SMOC1: variants seen among roughly 807,000 people sequenced by gnomAD.
The protein encoded by SMOC1 is SPARC-related modular calcium-binding protein 1.
In SMOC1, 22 loss-of-function variants were observed where a neutral mutation model predicts 56.3. The observed-to-expected ratio is 0.39, with a 90% CI of 0.28 to 0.56. The LOEUF is 0.56. Among genes scored for constraint, SMOC1 ranks in the 20% least tolerant of loss-of-function variants. SMOC1 has a pLI of 0.61. For synonymous variants in SMOC1, 193 were observed against 215.0 expected, an observed-to-expected ratio of 0.90 and a Z score of 0.89; for missense variants, 509 against 565.4, an observed-to-expected ratio of 0.90 and a Z score of 1.01.
Position 69,879,687 on chromosome 14 carries a change from C to T in SMOC1, c.9C>T (p.Pro3=). ...CCAGCCTGGCTGGCACCATGCTGCC[C>T]GCGCGCTGCGCCCGCCTGCTCACGC... is the stretch of plus-strand genomic sequence containing the variant. ML[P]ARCARLLTPH... Residue 3 remains proline (P), a synonymous_variant, in exon 1 of 12, where the codon CCC becomes CCT. Coordinates refer to ENST00000361956, the MANE Select transcript of SMOC1 (RefSeq NM_001034852.3). 1 of 1,564,740 alleles carries T rather than the reference C, an allele frequency of 6.4e-7. No homozygotes were observed. The highest frequency in any genetic ancestry group is 8.6e-7 in the Non-Finnish European group (1 of 1,165,124).
Position 69,953,554 on chromosome 14 carries a change from T to C in SMOC1, c.378+22T>C, listed in dbSNP as rs749393502. The C allele has an allele frequency of 3.7e-6, 6 of 1,600,482 alleles. No individual in the cohort carries two copies. The African/African-American group carries it at 4.0e-5, about 11-fold the overall frequency. ...CCAGGTGAGGCCTCGGACAATCCTC[T>C]TGGGCTCTTTCCTGGACCGAGGCAG... On this transcript the variant is annotated intron_variant, in intron 3 of 11. Coordinates refer to ENST00000361956, the MANE Select transcript of SMOC1 (RefSeq NM_001034852.3).
intron 10 of SMOC1, among the ~76,000 whole-genome samples, chr14:70,020,127 GGTTTT>G (rs897114066): frequency 6.7e-6 from 1 of 150,130 alleles, no homozygotes; most frequent in African/African-American, 2.4e-5. Flanking sequence ...CTAGATCAAG[GGTTTT>G]GTTTTGTTTT....
intron 3 of SMOC1, among the ~76,000 whole-genome samples, chr14:69,961,270 GTGTATATATATA>G (rs1454968405): frequency 2.0e-3 from 121 of 59,692 alleles, no homozygotes; most frequent in African/African-American, 7.9e-3. Flanking sequence ...ATATTCTATT[GTGTATATATATA>G]TATATATATA....
intron 5 of SMOC1, among the ~76,000 whole-genome samples, chr14:69,988,506 G>A (rs1884449341): frequency 6.6e-6 from 1 of 152,098 alleles, no homozygotes; most frequent in Non-Finnish European, 1.5e-5. Flanking sequence ...GCTGCCTCAT[G>A]ATTTATTTGT....
At chr14:69,983,315 T>A (rs11628205) in intron 5 of SMOC1, among the ~76,000 whole-genome samples, 14,845 of 152,248 alleles carry the variant, frequency 0.098, 1,437 homozygotes, top group African/African-American at 0.25. Context: ...CGCTTGGTGC[T>A]TTTACTCAGC....
In SMOC1 at chr14:69,903,559, G is replaced by GAA. The variant is rs1203819942; in HGVS notation, c.99+23786_99+23787dup. Among the ~76,000 whole-genome samples, 3 of 152,228 alleles carry GAA rather than the reference G, an allele frequency of 2.0e-5. No homozygotes were observed. The South Asian group carries it at 6.2e-4, about 32-fold the overall frequency. ...GAGACTCCATTTTGTTCTGTACTAA[G>GAA]AAAAATTCCTCTGCCTTGGGATGCT... On this transcript the variant is annotated intron_variant, in intron 1 of 11. Coordinates refer to ENST00000361956, the MANE Select transcript of SMOC1 (RefSeq NM_001034852.3).
Position 69,952,007 on chromosome 14 carries a change from A to C in SMOC1, c.100-131A>C, listed in dbSNP as rs1307936877. ...ACTTTGTGGCTGCTCCGTTCCCTTC[A>C]CCTTTAGGGTTTTATTTGGGTTTAT... is the stretch of plus-strand genomic sequence containing the variant. On this transcript the variant is annotated intron_variant, in intron 1 of 11. Coordinates refer to ENST00000361956, the MANE Select transcript of SMOC1 (RefSeq NM_001034852.3). 7 of 1,023,728 alleles carry C rather than the reference A, an allele frequency of 6.8e-6. No homozygotes were observed. The African/African-American group carries it at 7.9e-5, about 12-fold the overall frequency. 63.4% of individuals were successfully genotyped at this position (1,023,728 alleles called of 1,614,324 possible).
At chr14:70,011,663 C>T in intron 9 of SMOC1, 96 bp downstream of exon 9, 3 of 1,207,906 alleles carry the variant, frequency 2.5e-6, no homozygotes, top group Non-Finnish European at 3.6e-6. Context: ...TGTCTGTTTC[C>T]CCATGTGTAA....
At chr14:69,969,630 T>C (rs2139486140) in intron 3 of SMOC1, among the ~76,000 whole-genome samples, 1 of 152,286 alleles carries the variant, frequency 6.6e-6, no homozygotes, top group East Asian at 1.9e-4. Flanking sequence ...GGATTACATT[T>C]CAACATGAGA....
intron 1 of SMOC1, among the ~76,000 whole-genome samples, chr14:69,884,117 A>G (rs1439840639): frequency 6.6e-6 from 1 of 151,272 alleles, no homozygotes; most frequent in African/African-American, 2.4e-5. Flanking sequence ...CTTGTTAGCC[A>G]GGATGGTCTC....
chr14:70,006,338 C>T (rs1012248690), intron 7 of SMOC1, among the ~76,000 whole-genome samples: 1 of 152,190 alleles, frequency 6.6e-6, no homozygotes, highest in Admixed American at 6.5e-5. Context: ...ATGGTAAATA[C>T]TCAAATAAAT....
At chr14:69,974,517 G>T (rs1463758012) in intron 3 of SMOC1, among the ~76,000 whole-genome samples, 2 of 152,108 alleles carry the variant, frequency 1.3e-5, no homozygotes, top group Admixed American at 6.5e-5. Flanking sequence ...ATGAGGCTAC[G>T]GAAATAGATG....
intron 11 of SMOC1, among the ~76,000 whole-genome samples, chr14:70,025,196 A>G (rs1885878460): frequency 6.6e-6 from 1 of 152,216 alleles, no homozygotes; most frequent in African/African-American, 2.4e-5. Context: ...GGGTCTGAAG[A>G]TGCAGATTTG....
intron 1 of SMOC1, among the ~76,000 whole-genome samples, chr14:69,908,500 A>G (rs1021494627): frequency 3.3e-5 from 5 of 151,746 alleles, no homozygotes; most frequent in African/African-American, 1.2e-4. Context: ...GCTGTGCTGG[A>G]GGGTAGTGGG....
At position 69,981,719 on chromosome 14, in the gene SMOC1, A is replaced by G. The variant is rs78554826; in HGVS notation, c.526+3754A>G. On this transcript the variant is annotated intron_variant, in intron 5 of 11. Transcript: ENST00000361956. ...TTTTGGTTTTCACTGGAGTCATCCA[A>G]AGGAAAGTAGATTGGAAGCAGAATG... Among the ~76,000 whole-genome samples, 686 of 152,318 alleles carry G rather than the reference A, an allele frequency of 4.5e-3. 5 individuals carry two copies. Among genetic ancestry groups the G allele is most frequent in the African/African-American group, 0.016 (649 of 41,570 alleles).
At chr14:69,953,295 T>G (rs1405211362) in intron 2 of SMOC1, 125 bp from the exon 3 acceptor site, 2 of 833,264 alleles carry the variant, frequency 2.4e-6, no homozygotes, top group Non-Finnish European at 4.2e-6. Flanking sequence ...CCTTTTAGGG[T>G]TGGACAAGCC....
chr14:69,896,683 T>G (rs770406409), intron 1 of SMOC1, among the ~76,000 whole-genome samples: 22 of 152,200 alleles, frequency 1.4e-4, no homozygotes, highest in Non-Finnish European at 1.0e-4. Flanking sequence ...TAAATCAAAT[T>G]CCTTCACTTT....
intron 5 of SMOC1, among the ~76,000 whole-genome samples, chr14:69,982,688 A>G (rs1005111027): frequency 2.6e-5 from 4 of 152,156 alleles, no homozygotes; most frequent in Non-Finnish European, 1.5e-5. Context: ...CATGACTTAA[A>G]TCTCTTCCCG....
intron 1 of SMOC1, among the ~76,000 whole-genome samples, chr14:69,932,970 C>G (rs1044092944): frequency 1.3e-5 from 2 of 152,148 alleles, no homozygotes; most frequent in African/African-American, 2.4e-5. Context: ...TGGAACTCTT[C>G]TTACACCAAA....
Sources: gnomAD v4.1 joint callset for allele counts (sites outside exome capture counted in the v4.1 genomes callset) on GRCh38, gnomAD v4.1.1 for gene constraint, MANE v1.5 for transcripts, NCBI Gene and HGNC (gene_info 2026-07-23, HGNC 2026-07-21) for gene names.